Variants in PNPT1 observed in about 807,000 individuals in gnomAD.
The protein encoded by PNPT1 is polyribonucleotide nucleotidyltransferase 1, also known as polyribonucleotide nucleotidyltransferase 1, mitochondrial.
PNPT1 carries 53 observed loss-of-function variants against 119.5 expected under a neutral mutation model. That is an observed-to-expected ratio of 0.44 (90% CI 0.36 to 0.56). PNPT1 has a LOEUF of 0.56. Ranked by LOEUF, PNPT1 falls within the 20% of genes least tolerant of loss-of-function variation. PNPT1 has a pLI of 0.00. For missense variants in PNPT1, 948 were observed against 938.5 expected, an observed-to-expected ratio of 1.01 and a Z score of -0.13; for synonymous variants, 357 against 322.1, an observed-to-expected ratio of 1.11 and a Z score of -1.16.
chr2:55,671,315 T>A lies in PNPT1; in HGVS notation c.976+4A>T, dbSNP rs372756807. The A allele has an allele frequency of 2.0e-6, 3 of 1,469,074 alleles. No homozygotes were observed. The African/African-American group carries it at 4.4e-5, about 21-fold the overall frequency. The allele number at this position is 1,469,074 out of a possible 1,614,324, so 91.0% of individuals were successfully genotyped here. ...AAAATAAAATAAAATAAAATAAAAT[T>A]TACCTTTTAGTTGTTCCTCCGTATC... On this transcript the variant is annotated splice_donor_region_variant and intron_variant, in intron 11 of 27. Transcript: ENST00000447944.
chr2:55,656,492 A>C, intron 15 of PNPT1, 121 bp from the exon 16 acceptor site: 2 of 856,568 alleles, frequency 2.3e-6, no homozygotes, highest in Admixed American at 6.2e-5. Context: ...TTTTTTAAAA[A>C]AGTACATTCA....
intron 5 of PNPT1, 114 bp downstream of exon 5, chr2:55,683,671 G>A: frequency 4.3e-5 from 34 of 790,696 alleles, no homozygotes; most frequent in South Asian, 1.1e-4. Flanking sequence ...AAATATAACA[G>A]TATCATAAAA....
At chr2:55,680,342 T>C (rs1026176714) in intron 7 of PNPT1, among the ~76,000 whole-genome samples, 1 of 151,730 alleles carries the variant, frequency 6.6e-6, no homozygotes, top group African/African-American at 2.4e-5. Flanking sequence ...GCCATTTTTA[T>C]ATTGCATGAT....
chr2:55,664,391 C>T (rs964400293), intron 13 of PNPT1, among the ~76,000 whole-genome samples: 1 of 152,008 alleles, frequency 6.6e-6, no homozygotes, highest in African/African-American at 2.4e-5. Flanking sequence ...TGCGGGAGCC[C>T]GGGAATTCAA....
chr2:55,683,141 A>C (rs761445588), intron 5 of PNPT1, among the ~76,000 whole-genome samples: 1 of 152,186 alleles, frequency 6.6e-6, no homozygotes, highest in Non-Finnish European at 1.5e-5. Flanking sequence ...TAGTTGTCCT[A>C]TTCCCAGCCT....
At chr2:55,691,865 TATATATATATATA>T (rs1171050464) in intron 1 of PNPT1, among the ~76,000 whole-genome samples, 995 of 25,844 alleles carry the variant, frequency 0.039, 26 homozygotes, top group Admixed American at 0.16. Flanking sequence ...TATATATATA[TATATATATATATA>T]TTTTTTTTTT....
In PNPT1 at chr2:55,669,270, T is replaced by G. The variant is rs191497742; in HGVS notation, c.977-1312A>C. Among the ~76,000 whole-genome samples the G allele has an allele frequency of 9.8e-5, 15 of 152,304 alleles. No individual in the cohort carries two copies. In the East Asian group the frequency reaches 2.7e-3, roughly 27 times the overall value. On this transcript the variant is annotated intron_variant, in intron 11 of 27. Coordinates refer to ENST00000447944, the MANE Select transcript of PNPT1 (RefSeq NM_033109.5). ...TACAGCTGTGACCTGAATAAAGATC[T>G]GTCAGCCTCAAAGGCTTATGGTTTT...
chr2:55,691,878 A>ATATTTTTT (rs1326804958), intron 1 of PNPT1, among the ~76,000 whole-genome samples: 4 of 33,122 alleles, frequency 1.2e-4, no homozygotes, highest in South Asian at 3.6e-3. Context: ...ATATATATAT[A>ATATTTTTT]TTTTTTTTTT....
intron 25 of PNPT1, among the ~76,000 whole-genome samples, chr2:55,642,423 G>A (rs989236128): frequency 1.3e-5 from 2 of 151,260 alleles, no homozygotes; most frequent in Non-Finnish European, 2.9e-5. Flanking sequence ...TGGCTAACAA[G>A]GTAAAACCCC....
At chr2:55,667,390 C>T (rs930122976) in intron 12 of PNPT1, among the ~76,000 whole-genome samples, 2 of 151,996 alleles carry the variant, frequency 1.3e-5, no homozygotes, top group Non-Finnish European at 2.9e-5. Flanking sequence ...GTCAGGAGAT[C>T]GAGACCATCC....
chr2:55,652,197 A>C (rs542738402), intron 18 of PNPT1, among the ~76,000 whole-genome samples: 1 of 152,240 alleles, frequency 6.6e-6, no homozygotes, highest in East Asian at 1.9e-4. Context: ...CAAACCTTTA[A>C]GCTTTTTCAA....
chr2:55,688,419 G>T (rs919916690), intron 1 of PNPT1, among the ~76,000 whole-genome samples: 1 of 152,040 alleles, frequency 6.6e-6, no homozygotes, highest in Middle Eastern at 3.4e-3. Flanking sequence ...AAACAGGATT[G>T]TTTCCCTACT....
chr2:55,684,565 C>A (rs1478662175), intron 4 of PNPT1, among the ~76,000 whole-genome samples: 1 of 152,154 alleles, frequency 6.6e-6, no homozygotes, highest in Non-Finnish European at 1.5e-5. Flanking sequence ...ATTTCAGTAG[C>A]TGATGAACAT....
At chr2:55,638,817 C>T (rs540006209) in intron 26 of PNPT1, among the ~76,000 whole-genome samples, 4 of 151,700 alleles carry the variant, frequency 2.6e-5, no homozygotes, top group East Asian at 1.9e-4. Flanking sequence ...CTCTGTCATC[C>T]GGGCTGGAGT....
intron 18 of PNPT1, among the ~76,000 whole-genome samples, chr2:55,650,553 C>G (rs1696143567): frequency 1.3e-5 from 2 of 152,318 alleles, no homozygotes; most frequent in Admixed American, 6.5e-5. Context: ...GCAGCCTCTG[C>G]CCGGCCGCCA....
intron 7 of PNPT1, 63 bp downstream of exon 7, chr2:55,680,649 T>A: frequency 6.9e-7 from 1 of 1,444,166 alleles, no homozygotes; most frequent in Non-Finnish European, 9.6e-7. Flanking sequence ...TGTAACATGG[T>A]CACTACTACT....
At chr2:55,646,128 A>T in intron 21 of PNPT1, 131 bp downstream of exon 21, 1 of 889,202 alleles carries the variant, frequency 1.1e-6, no homozygotes, top group South Asian at 1.8e-5. Flanking sequence ...ACACCTGGCC[A>T]GTACTTCTTG....
chr2:55,662,923 C>G (rs1177011144), intron 13 of PNPT1, among the ~76,000 whole-genome samples: 1 of 151,146 alleles, frequency 6.6e-6, no homozygotes, highest in Non-Finnish European at 1.5e-5. Flanking sequence ...CTCTGTCACC[C>G]AGGCTGGAGT....
At position 55,643,431 on chromosome 2, in the gene PNPT1, A is replaced by T. The variant is rs772018448; in HGVS notation, c.1907-6T>A. On this transcript the variant is annotated splice_polypyrimidine_tract_variant and splice_region_variant and intron_variant, in intron 23 of 27. Coordinates refer to ENST00000447944, the MANE Select transcript of PNPT1 (RefSeq NM_033109.5). ...CACCTGACTAATAGTTACACCTTTT[A>T]AAAACAAAATGTAACATATTAAAGT... 4 of 1,611,546 alleles carry T rather than the reference A, an allele frequency of 2.5e-6. No homozygotes were observed. Among genetic ancestry groups the T allele is most frequent in the African/African-American group, 2.7e-5 (2 of 74,962 alleles).
Sources: gnomAD v4.1 joint callset for allele counts (sites outside exome capture counted in the v4.1 genomes callset) on GRCh38, gnomAD v4.1.1 for gene constraint, MANE v1.5 for transcripts, NCBI Gene and HGNC (gene_info 2026-07-23, HGNC 2026-07-21) for gene names.